TMPRSS4: variants seen among roughly 807,000 people sequenced by gnomAD.
The protein encoded by TMPRSS4 is transmembrane serine protease 4, also known as transmembrane protease serine 4.
A neutral mutation model predicts 56.4 loss-of-function variants in TMPRSS4; 45 were observed. The ratio of observed to expected loss-of-function variants is 0.80; its 90% CI spans 0.63 to 1.02. TMPRSS4 has a LOEUF of 1.02. TMPRSS4 is among the 50% of genes least tolerant of loss of function. The probability of loss-of-function intolerance (pLI) is 0.00; values close to 1 mark genes in which losing one functional copy is unlikely to be tolerated. For missense variants in TMPRSS4, 546 were observed against 556.7 expected (o/e 0.98, Z 0.19); for synonymous variants, 205 against 211.0 (o/e 0.97, Z 0.25).
intron 3 of TMPRSS4, among the ~76,000 whole-genome samples, chr11:118,100,302 T>C (rs760795042): frequency 2.6e-5 from 4 of 152,250 alleles, no homozygotes; most frequent in Non-Finnish European, 5.9e-5. Context: ...ATGCATTTGC[T>C]AATTGGGGCA....
chr11:118,081,026 G>T (rs1183592676), intron 1 of TMPRSS4, among the ~76,000 whole-genome samples: 1 of 152,232 alleles, frequency 6.6e-6, no homozygotes, highest in Non-Finnish European at 1.5e-5. Context: ...GACAGGGTCT[G>T]TGTCTTTTCT....
chr11:118,113,394 A>G lies in TMPRSS4; in HGVS notation c.869A>G (p.Asp290Gly). The G allele has an allele frequency of 6.2e-7, 1 of 1,614,182 alleles. No individual in the cohort carries two copies. The highest frequency in any genetic ancestry group is 8.5e-7 in the Non-Finnish European group (1 of 1,180,030). The stretch of plus-strand genomic sequence containing the variant: ...AACCCCATGTACCCCAAAGACAATG[A>G]CATCGCCCTCATGAAGCTGCAGTTC... Reference protein sequence around the residue: ...EFNPMYPKDNDIALMKLQFPL... With the variant: ...EFNPMYPKDNGIALMKLQFPL... Residue 290 changes from aspartate (D) to glycine (G), a missense_variant, in exon 9 of 13, where the codon GAC (aspartate) becomes GGC (glycine). Transcript: ENST00000437212.
In TMPRSS4 at chr11:118,104,731, C is replaced by T; in HGVS notation, c.351C>T (p.Asp117=). ...SKDRSTLQVL[D]SATGNWFSAC... ...ACCGATCCACACTGCAGGTGCTGGA[C>T]TCGGCCACAGGGAACTGGTTCTCTG... Residue 117 remains aspartate, a synonymous_variant, in exon 5 of 13, where the codon GAC becomes GAT. Transcript: ENST00000437212. The T allele has an allele frequency of 1.2e-6, 2 of 1,614,198 alleles. No individual in the cohort carries two copies. The highest frequency in any genetic ancestry group is 8.5e-7 in the Non-Finnish European group (1 of 1,180,038).
intron 9 of TMPRSS4, among the ~76,000 whole-genome samples, chr11:118,114,449 T>C (rs1947437635): frequency 1.3e-5 from 2 of 152,226 alleles, no homozygotes; most frequent in South Asian, 4.1e-4. Flanking sequence ...CACCTGTGGC[T>C]TCCATGGGCA....
chr11:118,078,006 T>C (rs1591320529), intron 1 of TMPRSS4, among the ~76,000 whole-genome samples: 2 of 65,216 alleles, frequency 3.1e-5, no homozygotes, highest in African/African-American at 6.2e-5. Context: ...AGAGTGAAAC[T>C]CCGTCTCAAA....
intron 9 of TMPRSS4, among the ~76,000 whole-genome samples, 174 bp from the exon 10 acceptor site, chr11:118,114,655 G>T (rs150660427): frequency 1.7e-3 from 262 of 152,268 alleles, no homozygotes; most frequent in African/African-American, 5.9e-3. Context: ...TGGGTTGGCT[G>T]GTTTGCCTAT....
At chr11:118,111,640 A>C in intron 7 of TMPRSS4, 101 bp from the exon 8 acceptor site, 1 of 914,720 alleles carries the variant, frequency 1.1e-6, no homozygotes, top group Non-Finnish European at 1.6e-6. Flanking sequence ...GGCCCCAGCC[A>C]TAAGGGCCCT....
Position 118,117,297 on chromosome 11 carries a change from T to C in TMPRSS4, c.1153-8T>C, listed in dbSNP as rs1485469843. On this transcript the variant is annotated splice_polypyrimidine_tract_variant and splice_region_variant and intron_variant, in intron 11 of 12. Transcript: ENST00000437212. ...CTCCCCAGCAGTCTCTGTTCTGGTC[T>C]CTCACAGGGTGACAGTGGTGGGCCC... The C allele has an allele frequency of 6.2e-7, 1 of 1,614,006 alleles. No individual in the cohort carries two copies. The highest frequency in any genetic ancestry group is 2.2e-5 in the East Asian group (1 of 44,884).
At chr11:118,099,229 C>A (rs1489145458) in intron 3 of TMPRSS4, 131 bp downstream of exon 3, 5 of 649,932 alleles carry the variant, frequency 7.7e-6, no homozygotes, top group Non-Finnish European at 1.3e-5. Context: ...AGAGGCAGTC[C>A]CACCCCTGCC....
intron 9 of TMPRSS4, among the ~76,000 whole-genome samples, chr11:118,114,005 C>T (rs997249401): frequency 4.6e-5 from 7 of 152,248 alleles, no homozygotes; most frequent in African/African-American, 1.4e-4. Context: ...GTTTGGGGAA[C>T]ATTTTCATAC....
intron 1 of TMPRSS4, among the ~76,000 whole-genome samples, chr11:118,079,748 T>TTGGCTGGG (rs1944983263): frequency 6.6e-6 from 1 of 151,818 alleles, no homozygotes; most frequent in Non-Finnish European, 1.5e-5. Flanking sequence ...TTGGCTGGGC[T>TTGGCTGGG]CAGAAACGTG....
intron 12 of TMPRSS4, 123 bp from the exon 13 acceptor site, chr11:118,117,779 C>G: frequency 6.3e-7 from 1 of 1,587,416 alleles, no homozygotes; most frequent in Non-Finnish European, 8.6e-7. Context: ...GACCTCCTGG[C>G]CCTCTGCAGG....
At chr11:118,110,846 G>C (rs1283763998) in intron 7 of TMPRSS4, among the ~76,000 whole-genome samples, 1 of 152,202 alleles carries the variant, frequency 6.6e-6, no homozygotes, top group Non-Finnish European at 1.5e-5. Flanking sequence ...GTTCCTAACA[G>C]GCCACGAACC....
chr11:118,108,763 G>A, intron 6 of TMPRSS4, 93 bp from the exon 7 acceptor site: 3 of 1,281,318 alleles, frequency 2.3e-6, no homozygotes, highest in South Asian at 1.2e-5. Context: ...GGTATTGGGA[G>A]GGGACTTGAA....
At chr11:118,089,024 C>G (rs1330058397) in intron 1 of TMPRSS4, among the ~76,000 whole-genome samples, 1 of 152,194 alleles carries the variant, frequency 6.6e-6, no homozygotes. Flanking sequence ...GACCCATTCT[C>G]TCCTTTCCTT....
downstream of TMPRSS4, chr11:118,125,419 TTCTC>T: frequency 2.2e-6 from 1 of 452,706 alleles, no homozygotes; most frequent in Non-Finnish European, 4.5e-6. Context: ...TGTGTTTGCT[TTCTC>T]TCATTCCCTG....
At chr11:118,123,900 T>G (rs1343127290), downstream of TMPRSS4, among the ~76,000 whole-genome samples, 1 of 152,098 alleles carries the variant, frequency 6.6e-6, no homozygotes, top group Non-Finnish European at 1.5e-5. Context: ...GTTGAACAAG[T>G]TAGCAACAAA....
intron 1 of TMPRSS4, among the ~76,000 whole-genome samples, chr11:118,079,786 G>T (rs113928731): frequency 1.3e-5 from 2 of 152,194 alleles, no homozygotes; most frequent in Admixed American, 6.5e-5. Context: ...TGCGGGCAGC[G>T]GGGTGCTGGG....
At chr11:118,109,606 G>A (rs1241089667) in intron 7 of TMPRSS4, among the ~76,000 whole-genome samples, 1 of 152,152 alleles carries the variant, frequency 6.6e-6, no homozygotes, top group Non-Finnish European at 1.5e-5. Flanking sequence ...GCCCATCAAG[G>A]ATCTTTAGGG....
Sources: gnomAD v4.1 joint callset for allele counts (sites outside exome capture counted in the v4.1 genomes callset) on GRCh38, gnomAD v4.1.1 for gene constraint, MANE v1.5 for transcripts, NCBI Gene and HGNC (gene_info 2026-07-23, HGNC 2026-07-21) for gene names.